The following ELAPOR1 variants were observed in gnomAD, a reference collection of about 807,000 sequenced individuals.
The protein encoded by ELAPOR1 is endosome-lysosome associated apoptosis and autophagy regulator 1, also known as endosome/lysosome-associated apoptosis and autophagy regulator 1.
In ELAPOR1, 77 loss-of-function variants were observed where a neutral mutation model predicts 119.7. The ratio of observed to expected loss-of-function variants is 0.64; its 90% CI spans 0.54 to 0.78. The LOEUF (loss-of-function observed/expected upper bound fraction) is 0.78, where lower values mean the gene tolerates loss of function less well. Among genes scored for constraint, ELAPOR1 ranks in the 30% least tolerant of loss-of-function variants. The probability of loss-of-function intolerance (pLI) is 0.00; values close to 1 mark genes in which losing one functional copy is unlikely to be tolerated. For missense variants in ELAPOR1, 1,115 were observed against 1,270.4 expected (o/e 0.88, Z 1.86); for synonymous variants, 481 against 487.2 (o/e 0.99, Z 0.17).
intron 1 of ELAPOR1, among the ~76,000 whole-genome samples, chr1:109,144,056 TATA>T (rs1375968754): frequency 0.02 from 577 of 28,834 alleles, 19 homozygotes; most frequent in African/African-American, 0.046. Flanking sequence ...TATATATATT[TATA>T]TATTTTTTTT....
rs371117794 is a variant in ELAPOR1, at chr1:109,194,415, C to A, written c.1948-6C>A. The A allele has an allele frequency of 3.7e-6, 6 of 1,612,988 alleles. No homozygotes were observed. Among genetic ancestry groups the A allele is most frequent in the African/African-American group, 2.7e-5 (2 of 74,936 alleles). ...AGCTGGCCCGACCCGTCCCTCTCCC[C>A]CTCAGATCCACTCTCTGTGCTACAA... is the stretch of plus-strand genomic sequence containing the variant. On this transcript the variant is annotated splice_region_variant and splice_polypyrimidine_tract_variant and intron_variant, in intron 14 of 21. Coordinates refer to ENST00000369939, the MANE Select transcript of ELAPOR1 (RefSeq NM_020775.5).
intron 1 of ELAPOR1, among the ~76,000 whole-genome samples, chr1:109,144,061 A>ATATATTTTTTTTTTTTTTTTTTTTTTTT: frequency 4.5e-5 from 4 of 88,988 alleles, no homozygotes; most frequent in African/African-American, 1.9e-4. Context: ...ATATTTATAT[A>ATATATTTTTTTTTTTTTTTTTTTTTTTT]TTTTTTTTTT....
chr1:109,156,007 C>T (rs949353978), intron 1 of ELAPOR1, among the ~76,000 whole-genome samples: 1 of 152,084 alleles, frequency 6.6e-6, no homozygotes, highest in Non-Finnish European at 1.5e-5. Flanking sequence ...TAGCCAGATA[C>T]AGTGGTGCAC....
At chr1:109,199,775 A>C in intron 18 of ELAPOR1, 79 bp from the exon 19 acceptor site, 1 of 1,545,638 alleles carries the variant, frequency 6.5e-7, no homozygotes, top group Admixed American at 1.7e-5. Context: ...CAGGCAAGCT[A>C]TGAGACAACA....
chr1:109,154,953 TGGG>T (rs781680913), intron 1 of ELAPOR1, among the ~76,000 whole-genome samples: 9 of 151,926 alleles, frequency 5.9e-5, no homozygotes, highest in Non-Finnish European at 7.4e-5. Context: ...TCCGGAGAAA[TGGG>T]GGCAAGCAAC....
intron 1 of ELAPOR1, among the ~76,000 whole-genome samples, chr1:109,156,980 G>C (rs1406085261): frequency 3.9e-5 from 6 of 152,158 alleles, no homozygotes; most frequent in Admixed American, 3.9e-4. Context: ...ACACTGGGCA[G>C]GCACAAACAA....
intron 21 of ELAPOR1, 41 bp from the exon 22 acceptor site, chr1:109,202,903 C>A: frequency 1.2e-6 from 2 of 1,609,284 alleles, no homozygotes; most frequent in South Asian, 1.1e-5. Flanking sequence ...CCAAACTTGC[C>A]CCTGTGCAGC....
At chr1:109,178,962 C>CAAAAA (rs35030338) in intron 7 of ELAPOR1, among the ~76,000 whole-genome samples, 2 of 134,264 alleles carry the variant, frequency 1.5e-5, no homozygotes, top group African/African-American at 2.7e-5. Context: ...AATACTGTCT[C>CAAAAA]AAAAAAAAAA....
At chr1:109,172,622 T>A in intron 5 of ELAPOR1, 54 bp downstream of exon 5, 1 of 1,375,738 alleles carries the variant, frequency 7.3e-7, no homozygotes, top group African/African-American at 1.4e-5. Flanking sequence ...ACCCAGGGCC[T>A]TTCCTCAGAG....
chr1:109,143,553 A>G (rs182318851), intron 1 of ELAPOR1, among the ~76,000 whole-genome samples: 3 of 152,328 alleles, frequency 2.0e-5, no homozygotes, highest in African/African-American at 7.2e-5. Flanking sequence ...TGCTTGCACA[A>G]TCTTGTGAAT....
rs1464948603 is a variant in ELAPOR1, at chr1:109,205,126, G to A, written c.*2114G>A. The A allele has an allele frequency of 6.6e-6, 1 of 152,136 alleles. No individual in the cohort carries two copies. The highest frequency in any genetic ancestry group is 1.5e-5 in the Non-Finnish European group (1 of 68,016). 9.4% of individuals were successfully genotyped at this position (152,136 alleles called of 1,614,324 possible). A position where few individuals can be genotyped will look rare whatever the true frequency, so the allele number is the denominator to read the frequency against. ...ATGAACTTTTAAGTACCTAGAATGG[G>A]TAAAACCAGAGCAAGACTTTAAATT... On this transcript the variant is annotated 3_prime_UTR_variant, in exon 22 of 22. Transcript: ENST00000369939.
chr1:109,118,559 G>T (rs1457601308), intron 1 of ELAPOR1, among the ~76,000 whole-genome samples: 1 of 152,194 alleles, frequency 6.6e-6, no homozygotes, highest in Non-Finnish European at 1.5e-5. Flanking sequence ...TAAAGGGACT[G>T]CACTGGGATG....
chr1:109,143,258 G>A (rs1649947436), intron 1 of ELAPOR1, among the ~76,000 whole-genome samples: 1 of 152,118 alleles, frequency 6.6e-6, no homozygotes, highest in African/African-American at 2.4e-5. Flanking sequence ...CCCATACAAT[G>A]GAATATGATT....
At chr1:109,127,941 T>G (rs918395213) in intron 1 of ELAPOR1, among the ~76,000 whole-genome samples, 1 of 151,650 alleles carries the variant, frequency 6.6e-6, no homozygotes, top group Non-Finnish European at 1.5e-5. Context: ...TAGCTTGATC[T>G]CAGCTCACTG....
At chr1:109,177,330 A>T in intron 7 of ELAPOR1, among the ~76,000 whole-genome samples, 1 of 127,830 alleles carries the variant, frequency 7.8e-6, no homozygotes, top group African/African-American at 3.5e-5. Context: ...GGGGCTCCTC[A>T]CTTCTCAGAC....
At chr1:109,200,922 C>T (rs932854594) in intron 21 of ELAPOR1, 22 bp downstream of exon 21, 4 of 1,608,044 alleles carry the variant, frequency 2.5e-6, no homozygotes, top group Non-Finnish European at 3.4e-6. Flanking sequence ...GGCCAGTGCA[C>T]TGAGGTCAGC....
At chr1:109,134,977 A>G (rs1205649956) in intron 1 of ELAPOR1, among the ~76,000 whole-genome samples, 1 of 152,190 alleles carries the variant, frequency 6.6e-6, no homozygotes, top group African/African-American at 2.4e-5. Flanking sequence ...AGCATAAATA[A>G]TGGCAATAAT....
chr1:109,128,594 C>T (rs1018556228), intron 1 of ELAPOR1, among the ~76,000 whole-genome samples: 6 of 152,136 alleles, frequency 3.9e-5, no homozygotes, highest in Non-Finnish European at 7.4e-5. Context: ...CCTGGATGGG[C>T]GCTTATCTTC....
At chr1:109,163,995 G>C (rs1280928147) in intron 2 of ELAPOR1, among the ~76,000 whole-genome samples, 1 of 152,108 alleles carries the variant, frequency 6.6e-6, no homozygotes, top group Non-Finnish European at 1.5e-5. Flanking sequence ...CAAGCCCAAA[G>C]TCCCACAGCA....
Sources: allele counts gnomAD v4.1 joint callset (sites outside exome capture counted in the v4.1 genomes callset), GRCh38; gene constraint gnomAD v4.1.1; transcripts MANE v1.5; gene names NCBI Gene and HGNC (gene_info 2026-07-23, HGNC 2026-07-21).